NAALADL2: variants seen among roughly 807,000 people sequenced by gnomAD.
The protein encoded by NAALADL2 is N-acetylated alpha-linked acidic dipeptidase like 2, also known as inactive N-acetylated-alpha-linked acidic dipeptidase-like protein 2.
A neutral mutation model predicts 87.2 loss-of-function variants in NAALADL2; 76 were observed. The observed-to-expected ratio is 0.87, with a 90% CI of 0.72 to 1.05. The LOEUF (loss-of-function observed/expected upper bound fraction) is 1.05, where lower values mean the gene tolerates loss of function less well. Among genes scored for constraint, NAALADL2 ranks in the 50% least tolerant of loss-of-function variants. The probability of loss-of-function intolerance (pLI) is 0.00; values close to 1 mark genes in which losing one functional copy is unlikely to be tolerated. For synonymous variants in NAALADL2, 354 were observed against 331.0 expected (o/e 1.07, Z -0.75); for missense variants, 1,089 against 945.8 (o/e 1.15, Z -1.99).
At chr3:175,499,229 T>G (rs958009352) in intron 9 of NAALADL2, among the ~76,000 whole-genome samples, 1 of 152,124 alleles carries the variant, frequency 6.6e-6, no homozygotes, top group African/African-American at 2.4e-5. Context: ...ATTTTTACAC[T>G]GTCTAATTTC....
At chr3:175,650,487 G>A (rs568067432) in intron 11 of NAALADL2, among the ~76,000 whole-genome samples, 2 of 152,128 alleles carry the variant, frequency 1.3e-5, no homozygotes, top group Non-Finnish European at 2.9e-5. Context: ...TGAATTTTGT[G>A]GTGTATAACT....
intron 3 of NAALADL2, among the ~76,000 whole-genome samples, chr3:175,244,626 A>G (rs1747607580): frequency 6.6e-6 from 1 of 152,156 alleles, no homozygotes; most frequent in Non-Finnish European, 1.5e-5. Flanking sequence ...AAAATTTACT[A>G]GTCATGTTTT....
rs6802937 is a variant in NAALADL2, at chr3:175,447,291, C to T, written c.1153C>T (p.Pro385Ser). The T allele has an allele frequency of 1, 1,606,911 of 1,608,000 alleles. 802,912 individuals carry two copies. Among genetic ancestry groups the T allele is most frequent in the Middle Eastern group, 1 (6,052 of 6,052 alleles). Residue 385 changes from proline to serine, a missense_variant, in exon 6 of 14, where the codon CCC (proline) becomes TCC (serine). Transcript: ENST00000454872. The stretch of plus-strand genomic sequence containing the variant: ...TCTATTAGTGCAGCCCATCTCTGCA[C>T]CCCTCGTTGCAAAACTGATCTCTTC... ...TSLLVQPISAPLVAKLISSPK... is the reference protein window; with the variant it reads ...TSLLVQPISASLVAKLISSPK...
chr3:175,040,398 T>G (rs1753925648), intron 1 of NAALADL2, among the ~76,000 whole-genome samples: 1 of 152,182 alleles, frequency 6.6e-6, no homozygotes, highest in South Asian at 2.1e-4. Context: ...TCAATATTTG[T>G]GTAAAAGAGG....
intron 2 of NAALADL2, among the ~76,000 whole-genome samples, chr3:175,144,002 A>G (rs1730401854): frequency 6.6e-6 from 1 of 151,966 alleles, no homozygotes; most frequent in Non-Finnish European, 1.5e-5. Context: ...TTAAATTTCC[A>G]TTAGAAGAAA....
intron 4 of NAALADL2, among the ~76,000 whole-genome samples, chr3:175,289,590 C>T (rs991355391): frequency 1.1e-5 from 1 of 92,990 alleles, no homozygotes; most frequent in African/African-American, 4.8e-5. Flanking sequence ...ACACATATAG[C>T]CTCCCTCCCC....
chr3:175,340,778 A>G (rs974058902), intron 5 of NAALADL2, among the ~76,000 whole-genome samples: 21 of 152,134 alleles, frequency 1.4e-4, no homozygotes, highest in Non-Finnish European at 2.4e-4. Context: ...CCTTTGTTTG[A>G]TCAATAAGCA....
intron 9 of NAALADL2, among the ~76,000 whole-genome samples, chr3:175,548,757 A>G (rs981435128): frequency 6.6e-6 from 1 of 152,036 alleles, no homozygotes; most frequent in Non-Finnish European, 1.5e-5. Flanking sequence ...CAAATTCCAT[A>G]CTGATTTGGT....
intron 1 of NAALADL2, among the ~76,000 whole-genome samples, chr3:174,962,037 T>C (rs1000347999): frequency 6.6e-6 from 1 of 151,972 alleles, no homozygotes; most frequent in Non-Finnish European, 1.5e-5. Context: ...CTTGGATTTC[T>C]ACTCTCACTC....
At chr3:174,996,935 A>T (rs1406106023) in intron 1 of NAALADL2, among the ~76,000 whole-genome samples, 1 of 150,344 alleles carries the variant, frequency 6.7e-6, no homozygotes, top group South Asian at 2.1e-4. Context: ...CTCCATCTCC[A>T]TCTAAGTTGC....
At position 174,892,513 on chromosome 3, in the gene NAALADL2, TC is replaced by T. The variant is rs147975544; in HGVS notation, c.43+33064del. On this transcript the variant is annotated intron_variant, in intron 1 of 13. Transcript: ENST00000454872. Reference sequence around the variant, plus strand: ...AGAAAATAGCCTCAAAAGGTAAAAATCTAAGAGTTATTGAAGGTCTTTAATA... The same window carrying T: ...AGAAAATAGCCTCAAAAGGTAAAAATTAAGAGTTATTGAAGGTCTTTAATA... Among the ~76,000 whole-genome samples, 620 of 151,992 alleles carry T rather than the reference TC, an allele frequency of 4.1e-3. 33 individuals carry two copies. The East Asian group carries it at 0.093, about 23-fold the overall frequency.
At chr3:174,561,469 A>T (rs1471324475) in intron 2 of NAALADL2, among the ~76,000 whole-genome samples, 1 of 151,936 alleles carries the variant, frequency 6.6e-6, no homozygotes, top group African/African-American at 2.4e-5. Context: ...CAAAGTGCTG[A>T]GATTACCGCC....
chr3:175,137,267 CA>C (rs1729246049), intron 2 of NAALADL2, among the ~76,000 whole-genome samples: 1 of 152,084 alleles, frequency 6.6e-6, no homozygotes, highest in African/African-American at 2.4e-5. Context: ...TTCCTTTGCA[CA>C]AGGATGTATA....
chr3:175,436,455 A>T (rs1718690112), intron 5 of NAALADL2, among the ~76,000 whole-genome samples: 1 of 145,382 alleles, frequency 6.9e-6, no homozygotes, highest in Admixed American at 7.0e-5. Context: ...GAACTAGTTT[A>T]CAGTCCCATC....
chr3:175,527,705 C>G (rs535197353), intron 9 of NAALADL2, among the ~76,000 whole-genome samples: 16 of 152,210 alleles, frequency 1.1e-4, no homozygotes, highest in African/African-American at 3.9e-4. Flanking sequence ...AGGGTAGTAG[C>G]ATTTTAGAGA....
At position 175,781,729 on chromosome 3, in the gene NAALADL2, A is replaced by AAAAG. The variant is rs1248180459; in HGVS notation, c.2190-21276_2190-21275insAAAG. The stretch of plus-strand genomic sequence containing the variant: ...TTTATTTTTTTTATTTTTTTATTAT[A>AAAAG]CTTTAAGTTTTAGGGTACATGTGCA... On this transcript the variant is annotated intron_variant, in intron 13 of 13. Coordinates refer to ENST00000454872, the MANE Select transcript of NAALADL2 (RefSeq NM_207015.3). Among the ~76,000 whole-genome samples the AAAAG allele has an allele frequency of 3.6e-4, 54 of 150,670 alleles. No individual in the cohort carries two copies. In the Middle Eastern group the frequency reaches 0.011, roughly 30 times the overall value.
At chr3:175,173,264 C>T (rs1224778402) in intron 2 of NAALADL2, among the ~76,000 whole-genome samples, 1 of 151,324 alleles carries the variant, frequency 6.6e-6, no homozygotes, top group Non-Finnish European at 1.5e-5. Context: ...CGCACTCCAG[C>T]CTTGGTGACA....
intron 3 of NAALADL2, among the ~76,000 whole-genome samples, chr3:174,773,199 C>CA: frequency 6.6e-6 from 1 of 152,066 alleles, no homozygotes; most frequent in Non-Finnish European, 1.5e-5. Context: ...TTGGAGAGAC[C>CA]AAAGTGGCTC....
At chr3:174,795,653 T>C (rs1489926290) in intron 3 of NAALADL2, among the ~76,000 whole-genome samples, 1 of 152,188 alleles carries the variant, frequency 6.6e-6, no homozygotes, top group Non-Finnish European at 1.5e-5. Context: ...ACATCTTTGC[T>C]AACAGTGTAT....
Sources: allele counts gnomAD v4.1 joint callset (sites outside exome capture counted in the v4.1 genomes callset), GRCh38; gene constraint gnomAD v4.1.1; transcripts MANE v1.5; gene names NCBI Gene and HGNC (gene_info 2026-07-23, HGNC 2026-07-21).